Variants in ATXN10 observed in about 807,000 individuals in gnomAD.
The protein encoded by ATXN10 is ataxin 10, also known as ataxin-10.
In ATXN10, 28 loss-of-function variants were observed where a neutral mutation model predicts 52.9. The ratio of observed to expected loss-of-function variants is 0.53; its 90% confidence interval spans 0.39 to 0.73. The LOEUF (loss-of-function observed/expected upper bound fraction) is 0.73. ATXN10 is among the 30% of genes least tolerant of loss of function. ATXN10 has a pLI of 0.00. For synonymous variants in ATXN10, 226 were observed against 221.5 expected, an observed-to-expected ratio of 1.02 and a Z score of -0.18; for missense variants, 565 against 577.0, an observed-to-expected ratio of 0.98 and a Z score of 0.21.
intron 6 of ATXN10, among the ~76,000 whole-genome samples, chr22:45,719,646 TC>T (rs1924574613): frequency 6.6e-6 from 1 of 152,174 alleles, no homozygotes; most frequent in Admixed American, 6.5e-5. Flanking sequence ...TTTTCCATAG[TC>T]TATCAAAATT....
chr22:45,784,785 T>C lies in ATXN10; in HGVS notation c.1174-22174T>C, dbSNP rs1368310975. Among the ~76,000 whole-genome samples the C allele has an allele frequency of 6.6e-6, 1 of 152,218 alleles. No individual in the cohort carries two copies. The highest frequency in any genetic ancestry group is 1.5e-5 in the Non-Finnish European group (1 of 68,024). On this transcript the variant is annotated intron_variant, in intron 9 of 11. Coordinates refer to ENST00000252934, the MANE Select transcript of ATXN10 (RefSeq NM_013236.4). The surrounding 1 kb of genome is among the most constrained non-coding windows in gnomAD (Gnocchi z 4.2). Reference sequence around the variant, plus strand: ...GGACACTTGAGCTCCCAGCAAGCCTTTATTTTTTTATTTTTTAAACACCGT... The same window carrying C: ...GGACACTTGAGCTCCCAGCAAGCCTCTATTTTTTTATTTTTTAAACACCGT...
chr22:45,740,740 G>A (rs1292584368), intron 9 of ATXN10: 67 of 300,952 alleles, frequency 2.2e-4, no homozygotes, highest in African/African-American at 1.0e-3. Flanking sequence ...ACACACACAC[G>A]TGTGTGTGTG....
At chr22:45,730,337 C>T (rs1569040063) in intron 7 of ATXN10, among the ~76,000 whole-genome samples, 1 of 133,820 alleles carries the variant, frequency 7.5e-6, no homozygotes, top group Non-Finnish European at 1.6e-5. Flanking sequence ...CAGTGAGACC[C>T]TTGTCTCAAA....
chr22:45,728,980 A>G lies in ATXN10; in HGVS notation c.729-445A>G, dbSNP rs1336591385. On this transcript the variant is annotated intron_variant, in intron 6 of 11. Coordinates refer to ENST00000252934, the MANE Select transcript of ATXN10 (RefSeq NM_013236.4). This position sits in a 1 kb window ranked among gnomAD's most constrained non-coding sequence, Gnocchi z 4.3. ...ACCAAGCCTTATTTACCCACCTTTA[A>G]TGTGAAACTAATGGCAGTACCTGCC... Among the ~76,000 whole-genome samples the G allele has an allele frequency of 6.6e-6, 1 of 152,202 alleles. No homozygotes were observed. The highest frequency in any genetic ancestry group is 1.9e-4 in the East Asian group (1 of 5,204).
chr22:45,807,958 A>G (rs1276512536), intron 10 of ATXN10, among the ~76,000 whole-genome samples: 2 of 152,206 alleles, frequency 1.3e-5, no homozygotes, highest in Non-Finnish European at 2.9e-5. Context: ...GCTGATGAAA[A>G]TCATGTGTTT....
chr22:45,737,506 A>G lies in ATXN10; in HGVS notation c.895-1225A>G, dbSNP rs527382164. Among the ~76,000 whole-genome samples, 4 of 152,310 alleles carry G rather than the reference A, an allele frequency of 2.6e-5. No homozygotes were observed. The South Asian group carries it at 8.3e-4, about 32-fold the overall frequency. The stretch of plus-strand genomic sequence containing the variant: ...TTCCCACTTAACTCTTTAGCAAAAG[A>G]AGGCTATGATATAAAATTAAAGATC... On this transcript the variant is annotated intron_variant, in intron 7 of 11. Transcript: ENST00000252934.
At chr22:45,782,111 A>C (rs1429439093) in intron 9 of ATXN10, among the ~76,000 whole-genome samples, 1 of 152,162 alleles carries the variant, frequency 6.6e-6, no homozygotes, top group Non-Finnish European at 1.5e-5. Flanking sequence ...ATAGCAAGTG[A>C]CTCAACTCTC....
At chr22:45,822,039 T>C (rs923799556) in intron 10 of ATXN10, among the ~76,000 whole-genome samples, 6 of 152,170 alleles carry the variant, frequency 3.9e-5, no homozygotes, top group African/African-American at 1.4e-4. Flanking sequence ...GTCTAAACCA[T>C]GTCTGGTAGA....
chr22:45,682,437 A>G (rs1023846000), intron 1 of ATXN10, among the ~76,000 whole-genome samples: 1 of 151,826 alleles, frequency 6.6e-6, no homozygotes, highest in African/African-American at 2.4e-5. Flanking sequence ...CCTCCCTTGT[A>G]GCTGAGACTA....
intron 3 of ATXN10, among the ~76,000 whole-genome samples, chr22:45,694,266 G>A (rs1226315220): frequency 6.6e-6 from 1 of 151,598 alleles, no homozygotes; most frequent in Non-Finnish European, 1.5e-5. Flanking sequence ...TTAACATAAT[G>A]TTTAAAAAAA....
In ATXN10 at chr22:45,738,732, AG is replaced by A; in HGVS notation, c.898del (p.Ala300HisfsTer14). On this transcript the variant is annotated frameshift_variant and splice_region_variant, in exon 8 of 12. Transcript: ENST00000252934. LOFTEE classifies it high-confidence loss of function. ...AGTTATGTTTTCTTTTCTTTCTAGG[AG>A]GCACTGGCTACAATTAGGCTTCTCG... is the stretch of plus-strand genomic sequence containing the variant. ...LASEEPPDDE[E>X]ALATIRLLDV... 1 of 1,612,652 alleles carries A rather than the reference AG, an allele frequency of 6.2e-7. No individual in the cohort carries two copies. Among genetic ancestry groups the A allele is most frequent in the Non-Finnish European group, 8.5e-7 (1 of 1,178,768 alleles).
intron 6 of ATXN10, among the ~76,000 whole-genome samples, chr22:45,723,960 A>G (rs995054135): frequency 2.0e-5 from 3 of 152,106 alleles, no homozygotes; most frequent in African/African-American, 7.2e-5. Context: ...TCAAAAAAAA[A>G]AAAAATAAAA....
intron 10 of ATXN10, among the ~76,000 whole-genome samples, chr22:45,839,807 G>A (rs776009356): frequency 1.1e-4 from 17 of 152,200 alleles, no homozygotes; most frequent in Non-Finnish European, 2.2e-4. Context: ...ATTTATATCG[G>A]TTTACTTTCA....
In ATXN10 at chr22:45,698,790, A is replaced by G. The variant is rs183033312; in HGVS notation, c.392-1492A>G. ...ACCGAATTTTAGTTGGAATTCAGCAATGAAATTTGGATTCAACAGTGAAAC... is the reference window on the plus strand; with the variant it reads ...ACCGAATTTTAGTTGGAATTCAGCAGTGAAATTTGGATTCAACAGTGAAAC... On this transcript the variant is annotated intron_variant, in intron 3 of 11. Coordinates refer to ENST00000252934, the MANE Select transcript of ATXN10 (RefSeq NM_013236.4). Among the ~76,000 whole-genome samples the G allele has an allele frequency of 8.5e-4, 130 of 152,358 alleles. 1 individual carries two copies. The highest frequency in any genetic ancestry group is 2.9e-3 in the African/African-American group (120 of 41,594).
In ATXN10 at chr22:45,843,219, A is replaced by G. The variant is rs765632587; in HGVS notation, c.1425+41A>G. 3 of 1,605,686 alleles carry G rather than the reference A, an allele frequency of 1.9e-6. No homozygotes were observed. The highest frequency in any genetic ancestry group is 2.6e-6 in the Non-Finnish European group (3 of 1,172,924). On this transcript the variant is annotated intron_variant, in intron 11 of 11. Coordinates refer to ENST00000252934, the MANE Select transcript of ATXN10 (RefSeq NM_013236.4). The surrounding 1 kb of genome is among the most constrained non-coding windows in gnomAD (Gnocchi z 4.5). ...GGAACTGTCCTTCCCTTTGGTTTGT[A>G]GAAAGCTGTTTCCACTTCCCCATTG...
At position 45,842,570 on chromosome 22, in the gene ATXN10, CTCT is replaced by C. The variant is rs961825910; in HGVS notation, c.1238-416_1238-414del. On this transcript the variant is annotated intron_variant, in intron 10 of 11. Transcript: ENST00000252934. This position sits in a 1 kb window ranked among gnomAD's most constrained non-coding sequence, Gnocchi z 4.8. ...CGTCTTTGTGACTGATTCTTTAGTGCTCTTCTTATTCTTTCCCTAGTGAGTCAG... is the reference window on the plus strand; with the variant it reads ...CGTCTTTGTGACTGATTCTTTAGTGCTCTTATTCTTTCCCTAGTGAGTCAG... 9.9e-5 allele frequency among the ~76,000 whole-genome samples: 15 copies of C among 152,112 alleles called. No homozygotes were observed. Among genetic ancestry groups the C allele is most frequent in the African/African-American group, 3.4e-4 (14 of 41,412 alleles).
At chr22:45,822,065 G>A (rs1928667194) in intron 10 of ATXN10, among the ~76,000 whole-genome samples, 1 of 152,186 alleles carries the variant, frequency 6.6e-6, no homozygotes, top group Non-Finnish European at 1.5e-5. Context: ...CGTCTTTGAA[G>A]TTCATATAAA....
rs149007056 is a variant in ATXN10, at chr22:45,688,967, C to T, written c.117-745C>T. Among the ~76,000 whole-genome samples the T allele has an allele frequency of 5.1e-4, 78 of 152,276 alleles. No individual in the cohort carries two copies. The highest frequency in any genetic ancestry group is 1.8e-3 in the African/African-American group (74 of 41,558). The stretch of plus-strand genomic sequence containing the variant: ...ATGATAGCCAGTGCAGGCAGTACTC[C>T]TGGCATGAGAGGCACGCAGAGACTG... On this transcript the variant is annotated intron_variant, in intron 1 of 11. Transcript: ENST00000252934. This position sits in a 1 kb window ranked among gnomAD's most constrained non-coding sequence, Gnocchi z 4.0.
At chr22:45,731,828 A>G (rs1370597805) in intron 7 of ATXN10, among the ~76,000 whole-genome samples, 1 of 152,146 alleles carries the variant, frequency 6.6e-6, no homozygotes, top group Non-Finnish European at 1.5e-5. Context: ...CTTACTAATC[A>G]TTTCGTTAAC....
Sources: gnomAD v4.1 joint callset for allele counts (sites outside exome capture counted in the v4.1 genomes callset) on GRCh38, gnomAD v4.1.1 for gene constraint, Gnocchi (gnomAD v3.1) non-coding constraint, MANE v1.5 for transcripts, NCBI Gene and HGNC (gene_info 2026-07-23, HGNC 2026-07-21) for gene names.